DAZAP1: variants seen among roughly 807,000 people sequenced by gnomAD.
The protein encoded by DAZAP1 is DAZ-associated protein 1.
In DAZAP1, 6 loss-of-function variants were observed where a neutral mutation model predicts 60.1. The ratio of observed to expected loss-of-function variants is 0.10; its 90% CI spans 0.05 to 0.20. The LOEUF is 0.20. Ranked by LOEUF, DAZAP1 falls within the 10% of genes least tolerant of loss-of-function variation. The pLI is 1.00. For synonymous variants in DAZAP1, 235 were observed against 215.9 expected (o/e 1.09, Z -0.78); for missense variants, 366 against 560.4 (o/e 0.65, Z 3.50).
At position 1,434,616 on chromosome 19, in the gene DAZAP1, G is replaced by T. The variant is rs879040173; in HGVS notation, c.1049-121G>T. The T allele has an allele frequency of 2.9e-6, 3 of 1,041,326 alleles. No homozygotes were observed. The African/African-American group carries it at 4.9e-5, about 17-fold the overall frequency. The allele number at this position is 1,041,326 out of a possible 1,614,324, so 64.5% of individuals were successfully genotyped here. A position where few individuals can be genotyped will look rare whatever the true frequency, so the allele number is the denominator to read the frequency against. On this transcript the variant is annotated intron_variant, in intron 11 of 11. Transcript: ENST00000233078. The surrounding 1 kb of genome is among the most constrained non-coding windows in gnomAD (Gnocchi z 8.0). ...TGCTGGCCTCAGAAGGGCCCCACCC[G>T]CACCCCGTGGGACCCGTGGACTCAA...
In DAZAP1 at chr19:1,421,139, C is replaced by T. The variant is rs1176624183; in HGVS notation, c.304-9C>T. Reference sequence around the variant, plus strand: ...CGTGTGAACTAACTATCCTTCCCTTCTTCAACAGCAGAAAGGACCCAGGAG... The same window carrying T: ...CGTGTGAACTAACTATCCTTCCCTTTTTCAACAGCAGAAAGGACCCAGGAG... On this transcript the variant is annotated splice_polypyrimidine_tract_variant and intron_variant, in intron 4 of 11. Coordinates refer to ENST00000233078, the MANE Select transcript of DAZAP1 (RefSeq NM_018959.4). 55 of 1,613,492 alleles carry T rather than the reference C, an allele frequency of 3.4e-5. No homozygotes were observed. The highest frequency in any genetic ancestry group is 5.0e-5 in the Admixed American group (3 of 60,008).
At position 1,426,010 on chromosome 19, in the gene DAZAP1, C is replaced by A; in HGVS notation, c.546+50C>A. 2 of 1,292,622 alleles carry A rather than the reference C, an allele frequency of 1.5e-6. No individual in the cohort carries two copies. Among genetic ancestry groups the A allele is most frequent in the Non-Finnish European group, 2.3e-6 (2 of 886,808 alleles). The allele number at this position is 1,292,622 out of a possible 1,614,324, so 80.1% of individuals were successfully genotyped here. ...CCTTAAGACCAAACCAAGTCTTAGG[C>A]AACTTAGGGGTTTCACTGGAAAGGA... On this transcript the variant is annotated intron_variant, in intron 7 of 11. Transcript: ENST00000233078. This position sits in a 1 kb window ranked among gnomAD's most constrained non-coding sequence, Gnocchi z 5.4.
intron 4 of DAZAP1, among the ~76,000 whole-genome samples, chr19:1,420,683 T>C (rs2071268348): frequency 6.6e-6 from 1 of 152,130 alleles, no homozygotes; most frequent in Admixed American, 6.5e-5. Flanking sequence ...TGGGCCAGTG[T>C]TTCACACAGC....
At chr19:1,419,857 C>G (rs2083097499) in intron 4 of DAZAP1, among the ~76,000 whole-genome samples, 1 of 145,832 alleles carries the variant, frequency 6.9e-6, no homozygotes, top group East Asian at 2.1e-4. Context: ...GTGAAACCAT[C>G]CCGACCGTCA....
At chr19:1,410,606 G>A (rs1336871087) in intron 1 of DAZAP1, among the ~76,000 whole-genome samples, 2 of 152,228 alleles carry the variant, frequency 1.3e-5, no homozygotes, top group Non-Finnish European at 2.9e-5. Context: ...CAGCGCGGCC[G>A]GGGTCGCCAC....
At position 1,432,643 on chromosome 19, in the gene DAZAP1, T is replaced by C. The variant is rs2083482801; in HGVS notation, c.1001T>C (p.Met334Thr). 1.9e-6 allele frequency: 3 copies of C among 1,613,068 alleles called. No individual in the cohort carries two copies. The Admixed American group carries it at 5.0e-5, about 27-fold the overall frequency. Residue 334 changes from methionine (M) to threonine (T), a missense_variant, in exon 11 of 12, where the codon ATG (methionine) becomes ACG (threonine). By Grantham distance (81) the Met-to-Thr change is moderately conservative. This residue lies in a region of DAZAP1 where 240 missense variants were observed against 308.8 expected (regional missense o/e 0.78). Coordinates refer to ENST00000233078, the MANE Select transcript of DAZAP1 (RefSeq NM_018959.4). This position sits in a 1 kb window ranked among gnomAD's most constrained non-coding sequence, Gnocchi z 4.9. ...PPPPSQAAPD[M>T]SKPPTAQPDF... ...CCTCCGTCTCAGGCTGCCCCGGACA[T>C]GAGCAAGCCCCCGACAGCTCAGCCA...
rs1188277806 is a variant in DAZAP1, at chr19:1,422,217, G to A, written c.415-131G>A. The A allele has an allele frequency of 1.4e-5, 11 of 763,552 alleles. No homozygotes were observed. The East Asian group carries it at 1.6e-4, about 11-fold the overall frequency. The allele number at this position is 763,552 out of a possible 1,614,324, so 47.3% of individuals were successfully genotyped here. On this transcript the variant is annotated intron_variant, in intron 5 of 11. Coordinates refer to ENST00000233078, the MANE Select transcript of DAZAP1 (RefSeq NM_018959.4). The surrounding 1 kb of genome is among the most constrained non-coding windows in gnomAD (Gnocchi z 4.5). ...CAGCCCCACGGAGCAGCTGTTGCCC[G>A]TGCACCTCCCCCGCTCAGGGAGGGC...
Position 1,422,087 on chromosome 19 carries a change from C to T in DAZAP1, c.415-261C>T, listed in dbSNP as rs2083173209. Among the ~76,000 whole-genome samples, 1 of 152,248 alleles carries T rather than the reference C, an allele frequency of 6.6e-6. No individual in the cohort carries two copies. Among genetic ancestry groups the T allele is most frequent in the Admixed American group, 6.5e-5 (1 of 15,290 alleles). On this transcript the variant is annotated intron_variant, in intron 5 of 11. Coordinates refer to ENST00000233078, the MANE Select transcript of DAZAP1 (RefSeq NM_018959.4). The surrounding 1 kb of genome is among the most constrained non-coding windows in gnomAD (Gnocchi z 4.5). ...TCCGTCAGCACACACGTGAGCGGGGCCACGGGCAGCCCGGAGGCGGGTATC... is the reference window on the plus strand; with the variant it reads ...TCCGTCAGCACACACGTGAGCGGGGTCACGGGCAGCCCGGAGGCGGGTATC...
At chr19:1,412,951 C>A (rs760673975) in intron 1 of DAZAP1, among the ~76,000 whole-genome samples, 1 of 152,198 alleles carries the variant, frequency 6.6e-6, no homozygotes, top group Non-Finnish European at 1.5e-5. Context: ...GAGAACACCC[C>A]TTTTGGGTTT....
At chr19:1,413,722 C>G (rs1025908909) in intron 1 of DAZAP1, among the ~76,000 whole-genome samples, 15 of 152,146 alleles carry the variant, frequency 9.9e-5, no homozygotes, top group African/African-American at 3.6e-4. Context: ...GGGTCACCTG[C>G]GGTGGGGAGC....
intron 4 of DAZAP1, among the ~76,000 whole-genome samples, chr19:1,420,651 C>T (rs1405054202): frequency 2.6e-5 from 4 of 152,074 alleles, no homozygotes; most frequent in African/African-American, 7.2e-5. Flanking sequence ...AGTGGGAGGC[C>T]GGCAGAAGGG....
intron 1 of DAZAP1, chr19:1,410,095 A>G (rs186020824): frequency 6.6e-6 from 1 of 152,402 alleles, no homozygotes; most frequent in East Asian, 1.9e-4. Context: ...TTAGGGAGCC[A>G]TCCTTGGGGG....
chr19:1,420,138 G>A (rs3207743), intron 4 of DAZAP1, among the ~76,000 whole-genome samples: 1 of 73,724 alleles, frequency 1.4e-5, no homozygotes, highest in Non-Finnish European at 2.5e-5. Context: ...ACGTCACGGC[G>A]GCGAGCACTC....
Position 1,422,284 on chromosome 19 carries a change from C to T in DAZAP1, c.415-64C>T. On this transcript the variant is annotated intron_variant, in intron 5 of 11. Transcript: ENST00000233078. This position sits in a 1 kb window ranked among gnomAD's most constrained non-coding sequence, Gnocchi z 4.5. ...TTTGGGTTCGTGGGAACAGGCTGTG[C>T]CCTCGGAAGACCACCTGTGGTGCTG... is the stretch of plus-strand genomic sequence containing the variant. 2 of 1,480,924 alleles carry T rather than the reference C, an allele frequency of 1.4e-6. No individual in the cohort carries two copies. Among genetic ancestry groups the T allele is most frequent in the East Asian group, 2.3e-5 (1 of 44,116 alleles). 91.7% of individuals were successfully genotyped at this position (1,480,924 alleles called of 1,614,324 possible).
rs550568282 is a variant in DAZAP1 at position 1,418,186 on chromosome 19, T to G, written c.71-18T>G. ...TCTGGCCCTGTGTGTTTGTGTTTTC[T>G]TCCCGATTTCTGAGCAGAGACTCTG... is the stretch of plus-strand genomic sequence containing the variant. On this transcript the variant is annotated intron_variant, in intron 2 of 11. Transcript: ENST00000233078. The surrounding 1 kb of genome is among the most constrained non-coding windows in gnomAD (Gnocchi z 5.7). 6 of 1,612,946 alleles carry G rather than the reference T, an allele frequency of 3.7e-6. No individual in the cohort carries two copies. Among genetic ancestry groups the G allele is most frequent in the Non-Finnish European group, 5.1e-6 (6 of 1,179,138 alleles).
intron 1 of DAZAP1, among the ~76,000 whole-genome samples, chr19:1,408,242 C>T (rs1473903216): frequency 1.1e-4 from 16 of 152,144 alleles, no homozygotes; most frequent in Non-Finnish European, 2.4e-4. Flanking sequence ...CGGCCCCGAA[C>T]GGGAACTTGG....
Position 1,433,608 on chromosome 19 carries a change from C to T in DAZAP1, c.1048+918C>T. On this transcript the variant is annotated intron_variant, in intron 11 of 11. Coordinates refer to ENST00000233078, the MANE Select transcript of DAZAP1 (RefSeq NM_018959.4). This position sits in a 1 kb window ranked among gnomAD's most constrained non-coding sequence, Gnocchi z 6.1. ...CGCATGTGTGGGTTCTTGACCCACTCACCACCAAACCCTGGCGTGTCTGAG... is the reference window on the plus strand; with the variant it reads ...CGCATGTGTGGGTTCTTGACCCACTTACCACCAAACCCTGGCGTGTCTGAG... 3 of 722,476 alleles carry T rather than the reference C, an allele frequency of 4.2e-6. No individual in the cohort carries two copies. The highest frequency in any genetic ancestry group is 7.0e-6 in the Non-Finnish European group (3 of 426,196). 44.8% of individuals were successfully genotyped at this position (722,476 alleles called of 1,614,324 possible). A position where few individuals can be genotyped will look rare whatever the true frequency, so the allele number is the denominator to read the frequency against.
intron 6 of DAZAP1, among the ~76,000 whole-genome samples, chr19:1,424,006 C>T (rs1002828634): frequency 8.5e-5 from 13 of 152,192 alleles, no homozygotes; most frequent in African/African-American, 3.1e-4. Context: ...CGCTGCTTAG[C>T]GGGTCCTCCC....
chr19:1,420,393 C>T (rs1358935564), intron 4 of DAZAP1, among the ~76,000 whole-genome samples: 1 of 122,690 alleles, frequency 8.2e-6, no homozygotes, highest in Non-Finnish European at 1.7e-5. Context: ...ACCATCCCGA[C>T]CGTCACGGCG....
Sources: gnomAD v4.1 joint callset for allele counts (sites outside exome capture counted in the v4.1 genomes callset) on GRCh38, gnomAD v4.1.1 for gene constraint, gnomAD v4.1.1 regional missense constraint, Gnocchi (gnomAD v3.1) non-coding constraint, MANE v1.5 for transcripts, NCBI Gene and HGNC (gene_info 2026-07-23, HGNC 2026-07-21) for gene names.